Variants in LSAMP observed in about 807,000 individuals in gnomAD.
LSAMP encodes the protein limbic system associated membrane protein.
In LSAMP, 7 loss-of-function variants were observed where a neutral mutation model predicts 38.6. The observed-to-expected ratio is 0.18, with a 90% confidence interval of 0.10 to 0.34. The LOEUF is 0.34. LSAMP is among the 10% of genes least tolerant of loss of function. The probability of loss-of-function intolerance (pLI) is 1.00; values close to 1 mark genes in which losing one functional copy is unlikely to be tolerated. For synonymous variants in LSAMP, 154 were observed against 166.8 expected (o/e 0.92, Z 0.59); for missense variants, 313 against 420.0 (o/e 0.75, Z 2.23).
chr3:116,130,090 G>A (rs149751164), intron 1 of LSAMP, among the ~76,000 whole-genome samples: 1 of 152,170 alleles, frequency 6.6e-6, no homozygotes, highest in Non-Finnish European at 1.5e-5. Flanking sequence ...GTATTTTAAA[G>A]AGACAAATAT....
intron 3 of LSAMP, among the ~76,000 whole-genome samples, chr3:115,948,372 T>C (rs1382082065): frequency 6.6e-6 from 1 of 152,166 alleles, no homozygotes; most frequent in Non-Finnish European, 1.5e-5. Context: ...ATAGACCATA[T>C]GATAGGCCAC....
At chr3:116,167,183 T>C (rs1710079009) in intron 1 of LSAMP, among the ~76,000 whole-genome samples, 1 of 152,106 alleles carries the variant, frequency 6.6e-6, no homozygotes, top group Non-Finnish European at 1.5e-5. Context: ...GAGATGTCAG[T>C]GCACCTGTCA....
chr3:116,059,098 T>C (rs947699555), intron 2 of LSAMP, among the ~76,000 whole-genome samples: 2 of 152,174 alleles, frequency 1.3e-5, no homozygotes, highest in Non-Finnish European at 2.9e-5. Flanking sequence ...AAGTTGCAAA[T>C]GATAAATCTC....
At chr3:115,887,254 A>G (rs978681270) in intron 3 of LSAMP, among the ~76,000 whole-genome samples, 1 of 151,894 alleles carries the variant, frequency 6.6e-6, no homozygotes, top group Non-Finnish European at 1.5e-5. Context: ...AGGGGTGACT[A>G]TGTAAGAGCA....
chr3:115,881,248 T>C (rs1936315629), intron 3 of LSAMP, among the ~76,000 whole-genome samples: 1 of 152,098 alleles, frequency 6.6e-6, no homozygotes, highest in Non-Finnish European at 1.5e-5. Context: ...GTTATGCACA[T>C]AACCATTGCT....
chr3:116,411,466 G>A (rs2048976327), intron 1 of LSAMP, among the ~76,000 whole-genome samples: 1 of 151,814 alleles, frequency 6.6e-6, no homozygotes, highest in Non-Finnish European at 1.5e-5. Context: ...ATGAGTTCAT[G>A]TCCTTTGTAG....
chr3:116,238,161 G>C (rs143141108), intron 1 of LSAMP, among the ~76,000 whole-genome samples: 237 of 152,282 alleles, frequency 1.6e-3, no homozygotes, highest in African/African-American at 5.6e-3. Flanking sequence ...GAACACCTGA[G>C]TAATCAATCC....
At chr3:115,983,484 G>A (rs2107630919) in intron 3 of LSAMP, among the ~76,000 whole-genome samples, 1 of 152,206 alleles carries the variant, frequency 6.6e-6, no homozygotes, top group South Asian at 2.1e-4. Flanking sequence ...TTGCACCACT[G>A]CCCTCCAGCC....
chr3:116,054,980 A>G (rs772911227), intron 2 of LSAMP, among the ~76,000 whole-genome samples: 4 of 152,180 alleles, frequency 2.6e-5, no homozygotes, highest in Non-Finnish European at 4.4e-5. Context: ...TACAGCTGAT[A>G]TAAGAATGTA....
intron 1 of LSAMP, among the ~76,000 whole-genome samples, chr3:116,113,400 C>CTATATATATATATATATATATA (rs5851991): frequency 2.3e-5 from 2 of 87,112 alleles, no homozygotes; most frequent in African/African-American, 8.8e-5. Context: ...TATGTTTGCC[C>CTATATATATATATATATATATA]TATATATATA....
At chr3:116,130,585 A>G (rs1171477653) in intron 1 of LSAMP, among the ~76,000 whole-genome samples, 1 of 152,218 alleles carries the variant, frequency 6.6e-6, no homozygotes, top group Admixed American at 6.5e-5. Flanking sequence ...GTGTGTTGAA[A>G]ATATAATTTG....
At chr3:115,933,161 G>A (rs898271568) in intron 3 of LSAMP, among the ~76,000 whole-genome samples, 2 of 152,294 alleles carry the variant, frequency 1.3e-5, no homozygotes, top group East Asian at 3.9e-4. Context: ...GGAATGTCAA[G>A]CTTTTAAAAA....
intron 1 of LSAMP, among the ~76,000 whole-genome samples, chr3:116,403,689 T>A (rs1174238240): frequency 6.6e-6 from 1 of 152,190 alleles, no homozygotes; most frequent in Admixed American, 6.5e-5. Flanking sequence ...TGAATGTGTC[T>A]CATACATGAT....
At chr3:115,823,189 A>C (rs1934302291) in intron 6 of LSAMP, among the ~76,000 whole-genome samples, 1 of 152,242 alleles carries the variant, frequency 6.6e-6, no homozygotes, top group African/African-American at 2.4e-5. Flanking sequence ...ATGAGCCCCC[A>C]CATCTGAAAG....
At chr3:115,852,736 T>C in intron 3 of LSAMP, 119 bp from the exon 4 acceptor site, 1 of 1,009,752 alleles carries the variant, frequency 9.9e-7, no homozygotes, top group Non-Finnish European at 1.4e-6. Context: ...GAAAATGTAC[T>C]TTGTCTGACA....
Position 116,026,114 on chromosome 3 carries a change from T to G in LSAMP, c.389-6474A>C, listed in dbSNP as rs987598458. On this transcript the variant is annotated intron_variant, in intron 2 of 6. Transcript: ENST00000490035. Reference sequence around the variant, plus strand: ...TATTTTTTTTCTATTTAGTAAAAATTTAATGGTGATTTCTGAAATAATGCC... The same window carrying G: ...TATTTTTTTTCTATTTAGTAAAAATGTAATGGTGATTTCTGAAATAATGCC... 3.3e-5 allele frequency among the ~76,000 whole-genome samples: 5 copies of G among 152,114 alleles called. No individual in the cohort carries two copies. In the East Asian group the frequency reaches 9.6e-4, roughly 29 times the overall value.
At chr3:116,298,541 G>A (rs1194717007) in intron 1 of LSAMP, among the ~76,000 whole-genome samples, 1 of 152,076 alleles carries the variant, frequency 6.6e-6, no homozygotes, top group East Asian at 1.9e-4. Flanking sequence ...ATATTGTTCA[G>A]TAGAAAATGT....
At chr3:115,945,533 G>A (rs1437780401) in intron 3 of LSAMP, among the ~76,000 whole-genome samples, 1 of 152,092 alleles carries the variant, frequency 6.6e-6, no homozygotes, top group East Asian at 1.9e-4. Flanking sequence ...AAGCTTCAGG[G>A]CCACCAAACT....
At chr3:116,311,726 T>G (rs1017950058) in intron 1 of LSAMP, among the ~76,000 whole-genome samples, 29 of 152,134 alleles carry the variant, frequency 1.9e-4, no homozygotes, top group African/African-American at 6.5e-4. Context: ...TAAGGGTTTG[T>G]TGTACAATTT....
Sources: allele counts gnomAD v4.1 joint callset (sites outside exome capture counted in the v4.1 genomes callset), GRCh38; gene constraint gnomAD v4.1.1; transcripts MANE v1.5; gene names NCBI Gene and HGNC (gene_info 2026-07-23, HGNC 2026-07-21).